Variants in MED13L observed in about 807,000 individuals in gnomAD.
MED13L encodes the protein mediator of RNA polymerase II transcription subunit 13-like.
In MED13L, 7 loss-of-function variants were observed where a neutral mutation model predicts 220.9. The ratio of observed to expected loss-of-function variants is 0.03; its 90% CI spans 0.02 to 0.06. The LOEUF is 0.06. Among genes scored for constraint, MED13L ranks in the 10% least tolerant of loss-of-function variants. The probability of loss-of-function intolerance (pLI) is 1.00; values close to 1 mark genes in which losing one functional copy is unlikely to be tolerated. For synonymous variants in MED13L, 1,011 were observed against 1,015.2 expected (o/e 1.00, Z 0.08); for missense variants, 1,965 against 2,760.5 (o/e 0.71, Z 6.46).
Position 116,124,123 on chromosome 12 carries a change from C to CGAGAGAGAGAGA in MED13L, c.311-12623_311-12612dup, listed in dbSNP as rs58366115. Reference sequence around the variant, plus strand: ...ACATCTGCAGAGAGAGAGAGAAAGACGAGAGAGAGAGAGAGAGAGAGAGAG... The same window carrying CGAGAGAGAGAGA: ...ACATCTGCAGAGAGAGAGAGAAAGACGAGAGAGAGAGAGAGAGAGAGAGAGAGAGAGAGAGAG... On this transcript the variant is annotated intron_variant, in intron 2 of 30. Transcript: ENST00000281928. Among the ~76,000 whole-genome samples, 323 of 133,508 alleles carry CGAGAGAGAGAGA rather than the reference C, an allele frequency of 2.4e-3. 2 individuals carry two copies. The highest frequency in any genetic ancestry group is 4.4e-3 in the African/African-American group (165 of 37,478). 87.6% of individuals were successfully genotyped at this position (133,508 alleles called of 152,430 possible). A position where few individuals can be genotyped will look rare whatever the true frequency, so the allele number is the denominator to read the frequency against.
In MED13L at chr12:116,277,010, A is replaced by ACC. The variant is rs377558672; in HGVS notation, c.72+48_72+49dup. ...AGTTGGTCGGCGGCGGAGGTCGGGG[A>ACC]CCCCCCCCCTTCCCCGGCACAGCCC... On this transcript the variant is annotated intron_variant, in intron 1 of 30. Coordinates refer to ENST00000281928, the MANE Select transcript of MED13L (RefSeq NM_015335.5). 1,154 of 1,015,112 alleles carry ACC rather than the reference A, an allele frequency of 1.1e-3. 2 individuals carry two copies. Among genetic ancestry groups the ACC allele is most frequent in the South Asian group, 5.0e-3 (344 of 69,198 alleles). The allele number at this position is 1,015,112 out of a possible 1,614,324, so 62.9% of individuals were successfully genotyped here.
intron 4 of MED13L, among the ~76,000 whole-genome samples, chr12:116,090,903 T>A (rs1013556631): frequency 3.3e-5 from 5 of 152,012 alleles, no homozygotes; most frequent in African/African-American, 1.2e-4. Flanking sequence ...GGCAGGTGGA[T>A]CACGTGAGGT....
chr12:115,980,257 C>A (rs1877233076), intron 23 of MED13L, among the ~76,000 whole-genome samples: 1 of 152,338 alleles, frequency 6.6e-6, no homozygotes, highest in South Asian at 2.1e-4. Flanking sequence ...GCTTGCCTCT[C>A]TTCTCAAAAA....
chr12:116,047,544 C>A (rs1881913996), intron 4 of MED13L, among the ~76,000 whole-genome samples: 1 of 152,036 alleles, frequency 6.6e-6, no homozygotes, highest in Non-Finnish European at 1.5e-5. Context: ...AATAAAATTT[C>A]AGCTAAAATA....
At chr12:116,122,328 T>TA (rs1002384715) in intron 2 of MED13L, among the ~76,000 whole-genome samples, 2 of 152,136 alleles carry the variant, frequency 1.3e-5, no homozygotes, top group African/African-American at 2.4e-5. Context: ...ACTTCACACA[T>TA]AAAAAAATCC....
At chr12:116,263,311 GA>G (rs1226554702) in intron 1 of MED13L, among the ~76,000 whole-genome samples, 3 of 152,012 alleles carry the variant, frequency 2.0e-5, no homozygotes, top group Admixed American at 2.0e-4. Context: ...TATGTAATCT[GA>G]AGACCAAAAA....
At chr12:115,979,406 T>A (rs917425161) in intron 23 of MED13L, among the ~76,000 whole-genome samples, 3 of 152,050 alleles carry the variant, frequency 2.0e-5, no homozygotes, top group East Asian at 1.9e-4. Flanking sequence ...TCTAGAAAAA[T>A]TTAACAGAGA....
At chr12:116,250,151 C>T (rs1245972857) in intron 1 of MED13L, among the ~76,000 whole-genome samples, 1 of 140,912 alleles carries the variant, frequency 7.1e-6, no homozygotes, top group East Asian at 2.1e-4. Flanking sequence ...TAAGAAAAAA[C>T]AAAGATAATA....
intron 2 of MED13L, among the ~76,000 whole-genome samples, chr12:116,203,456 A>C (rs1226980972): frequency 6.6e-6 from 1 of 151,980 alleles, no homozygotes; most frequent in African/African-American, 2.4e-5. Context: ...AAATAAAAAA[A>C]CAGTCCAGTG....
intron 27 of MED13L, among the ~76,000 whole-genome samples, chr12:115,970,311 A>AC (rs1876492267): frequency 6.6e-6 from 1 of 152,238 alleles, no homozygotes; most frequent in Non-Finnish European, 1.5e-5. Context: ...AAAGAGTGGC[A>AC]CCTAAGTACA....
At chr12:116,021,481 GT>G (rs1880056849) in intron 5 of MED13L, among the ~76,000 whole-genome samples, 2 of 152,100 alleles carry the variant, frequency 1.3e-5, no homozygotes, top group Admixed American at 1.3e-4. Flanking sequence ...TAAGAATTGG[GT>G]TTTGAATTTT....
chr12:116,070,026 A>T lies in MED13L; in HGVS notation c.479+26643T>A, dbSNP rs553754672. Among the ~76,000 whole-genome samples, 25 of 152,330 alleles carry T rather than the reference A, an allele frequency of 1.6e-4. No individual in the cohort carries two copies. The South Asian group carries it at 4.3e-3, about 27-fold the overall frequency. On this transcript the variant is annotated intron_variant, in intron 4 of 30. Transcript: ENST00000281928. ...GCTGGTTTTTGAGTATTTTTAAAAA[A>T]TTTTTAATGAAACCACCAAAATGCA...
chr12:115,983,600 A>G, intron 20 of MED13L, 60 bp from the exon 21 acceptor site: 2 of 1,555,504 alleles, frequency 1.3e-6, no homozygotes, highest in African/African-American at 1.4e-5. Context: ...GGACTGAACC[A>G]GAATCTAGAA....
intron 2 of MED13L, among the ~76,000 whole-genome samples, chr12:116,234,872 A>G (rs1455670958): frequency 6.6e-6 from 1 of 151,884 alleles, no homozygotes; most frequent in Non-Finnish European, 1.5e-5. Context: ...CATATTGGTC[A>G]GGCTGGTCTC....
At chr12:116,143,027 T>A (rs2138056083) in intron 2 of MED13L, among the ~76,000 whole-genome samples, 1 of 152,276 alleles carries the variant, frequency 6.6e-6, no homozygotes, top group Non-Finnish European at 1.5e-5. Flanking sequence ...TCAGAAAGAA[T>A]TACAGGTTTG....
intron 4 of MED13L, among the ~76,000 whole-genome samples, chr12:116,039,002 C>G (rs937360909): frequency 2.0e-5 from 3 of 151,974 alleles, no homozygotes; most frequent in African/African-American, 7.3e-5. Context: ...GACCCATGTT[C>G]GTATTCTTCC....
At chr12:116,142,702 T>C (rs1030337182) in intron 2 of MED13L, among the ~76,000 whole-genome samples, 1 of 147,300 alleles carries the variant, frequency 6.8e-6, no homozygotes, top group African/African-American at 2.5e-5. Context: ...AAAATAAAAG[T>C]AAAAAAAAAA....
intron 2 of MED13L, among the ~76,000 whole-genome samples, chr12:116,211,459 G>A (rs933211592): frequency 6.6e-6 from 1 of 152,164 alleles, no homozygotes; most frequent in Middle Eastern, 3.4e-3. Context: ...AAAGGTGGCT[G>A]ATTCTGCCTC....
At chr12:116,061,177 C>T (rs184489379) in intron 4 of MED13L, among the ~76,000 whole-genome samples, 34 of 152,228 alleles carry the variant, frequency 2.2e-4, no homozygotes, top group African/African-American at 7.2e-4. Flanking sequence ...GGGTAGAGGA[C>T]AAGATTTAAC....
Sources: gnomAD v4.1 joint callset for allele counts (sites outside exome capture counted in the v4.1 genomes callset) on GRCh38, gnomAD v4.1.1 for gene constraint, MANE v1.5 for transcripts, NCBI Gene and HGNC (gene_info 2026-07-23, HGNC 2026-07-21) for gene names.